Variants in PKNOX1 observed in about 807,000 individuals in gnomAD.
PKNOX1 encodes the protein homeobox protein PKNOX1.
A neutral mutation model predicts 51.9 loss-of-function variants in PKNOX1; 15 were observed. That is an observed-to-expected ratio of 0.29 (90% CI 0.19 to 0.45). PKNOX1 has a LOEUF of 0.45. PKNOX1 is among the 20% of genes least tolerant of loss of function. The probability of loss-of-function intolerance (pLI) is 1.00; values close to 1 mark genes in which losing one functional copy is unlikely to be tolerated. For synonymous variants in PKNOX1, 219 were observed against 211.1 expected (o/e 1.04, Z -0.32); for missense variants, 462 against 547.5 (o/e 0.84, Z 1.56).
intron 1 of PKNOX1, among the ~76,000 whole-genome samples, chr21:43,003,203 C>T (rs1041777009): frequency 6.6e-6 from 1 of 152,224 alleles, no homozygotes; most frequent in Non-Finnish European, 1.5e-5. Context: ...CTTCTCAGGG[C>T]AGCCCAGACT....
intron 1 of PKNOX1, among the ~76,000 whole-genome samples, chr21:43,000,372 T>C (rs1204177799): frequency 6.6e-6 from 1 of 152,180 alleles, no homozygotes; most frequent in African/African-American, 2.4e-5. Context: ...TGGGGAAGCC[T>C]CACAATCATG....
chr21:43,005,244 C>G (rs985053376), intron 2 of PKNOX1, among the ~76,000 whole-genome samples: 1 of 152,178 alleles, frequency 6.6e-6, no homozygotes, highest in African/African-American at 2.4e-5. Context: ...CTCTCCTCCC[C>G]ACCTCGAGGA....
chr21:42,982,521 GGAATTC>G (rs772396534), intron 1 of PKNOX1, among the ~76,000 whole-genome samples: 7 of 152,098 alleles, frequency 4.6e-5, no homozygotes, highest in Non-Finnish European at 1.0e-4. Context: ...CCTGAGGTCG[GGAATTC>G]GAGTCCAGCC....
chr21:42,987,404 A>AATATATATATATAT (rs1170402960), intron 1 of PKNOX1, among the ~76,000 whole-genome samples: 50 of 41,392 alleles, frequency 1.2e-3, no homozygotes, highest in South Asian at 1.5e-3. Flanking sequence ...AAAAAAAAAA[A>AATATATATATATAT]ATATATATAT....
intron 1 of PKNOX1, among the ~76,000 whole-genome samples, chr21:42,977,145 T>A (rs564670275): frequency 1.2e-4 from 18 of 152,308 alleles, no homozygotes; most frequent in African/African-American, 4.3e-4. Flanking sequence ...CAGTAATGTG[T>A]TATTCCATTT....
intron 1 of PKNOX1, among the ~76,000 whole-genome samples, chr21:42,981,440 GTGT>G (rs1246250973): frequency 6.6e-6 from 1 of 152,278 alleles, no homozygotes; most frequent in Non-Finnish European, 1.5e-5. Context: ...TTCAGTCAAC[GTGT>G]TGTCTGGCAT....
intron 1 of PKNOX1, among the ~76,000 whole-genome samples, chr21:42,975,067 C>T (rs1242687235): frequency 8.6e-6 from 1 of 116,080 alleles, no homozygotes; most frequent in Non-Finnish European, 1.9e-5. Context: ...GCGCGCGGAG[C>T]CCGGCGCGGG....
chr21:42,989,555 A>T (rs990147260), intron 1 of PKNOX1, among the ~76,000 whole-genome samples: 2 of 152,012 alleles, frequency 1.3e-5, no homozygotes, highest in Non-Finnish European at 2.9e-5. Context: ...AGTAGCTGGG[A>T]TTACAGGCGC....
At chr21:42,984,223 G>T (rs1374523460) in intron 1 of PKNOX1, among the ~76,000 whole-genome samples, 1 of 150,170 alleles carries the variant, frequency 6.7e-6, no homozygotes, top group African/African-American at 2.5e-5. Flanking sequence ...TTAAAGACAT[G>T]GGCCCCTGTG....
At chr21:43,000,268 T>G (rs1392512807) in intron 1 of PKNOX1, among the ~76,000 whole-genome samples, 1 of 152,150 alleles carries the variant, frequency 6.6e-6, no homozygotes, top group Non-Finnish European at 1.5e-5. Context: ...CAATTTACAG[T>G]GTTAGTCCAT....
intron 8 of PKNOX1, among the ~76,000 whole-genome samples, chr21:43,022,865 G>C (rs1979823485): frequency 6.6e-6 from 1 of 152,138 alleles, no homozygotes; most frequent in Admixed American, 6.6e-5. Flanking sequence ...AAGTCAAAAG[G>C]CAGCATGTTG....
chr21:43,003,352 C>T (rs1161190238), intron 1 of PKNOX1, among the ~76,000 whole-genome samples: 1 of 152,230 alleles, frequency 6.6e-6, no homozygotes, highest in Non-Finnish European at 1.5e-5. Flanking sequence ...TCCTTCAGTG[C>T]GGAAGTGGCA....
At chr21:42,988,894 C>G (rs564546552) in intron 1 of PKNOX1, among the ~76,000 whole-genome samples, 26 of 144,302 alleles carry the variant, frequency 1.8e-4, no homozygotes, top group African/African-American at 6.5e-4. Flanking sequence ...GCTGGGGACC[C>G]TGCGGGCTGG....
At chr21:42,987,404 AATATAT>A (rs1170402960) in intron 1 of PKNOX1, among the ~76,000 whole-genome samples, 6 of 41,416 alleles carry the variant, frequency 1.4e-4, no homozygotes, top group African/African-American at 3.7e-4. Flanking sequence ...AAAAAAAAAA[AATATAT>A]ATATATATAT....
At chr21:43,018,070 A>T in intron 6 of PKNOX1, 63 bp from the exon 7 acceptor site, 2 of 808,670 alleles carry the variant, frequency 2.5e-6, no homozygotes, top group South Asian at 1.6e-5. Context: ...AAAAAAAAAA[A>T]GAAGAATGGT....
At chr21:42,974,992 G>C (rs1360721434) in intron 1 of PKNOX1, among the ~76,000 whole-genome samples, 2 of 146,896 alleles carry the variant, frequency 1.4e-5, no homozygotes, top group African/African-American at 4.9e-5. Context: ...CGCTGGGCCT[G>C]ATCGAAGCGC....
chr21:42,979,794 T>C (rs2059017622), intron 1 of PKNOX1, among the ~76,000 whole-genome samples: 1 of 152,160 alleles, frequency 6.6e-6, no homozygotes, highest in African/African-American at 2.4e-5. Flanking sequence ...GAATCTAAAA[T>C]GCAGCAGTGT....
At chr21:43,029,205 AG>A (rs1980117631) in intron 10 of PKNOX1, among the ~76,000 whole-genome samples, 1 of 152,038 alleles carries the variant, frequency 6.6e-6, no homozygotes, top group Non-Finnish European at 1.5e-5. Flanking sequence ...CCGGGTGTGG[AG>A]GAGGGACTTA....
At position 43,021,171 on chromosome 21, in the gene PKNOX1, T is replaced by G. The variant is rs1302165318; in HGVS notation, c.721-132T>G. ...TCCTGAAACATCAGTCCACACAGGG[T>G]TCCCGTGCATGGGCCTCGACTACAA... On this transcript the variant is annotated intron_variant, in intron 7 of 10. Transcript: ENST00000291547. This position sits in a 1 kb window ranked among gnomAD's most constrained non-coding sequence, Gnocchi z 4.6. The G allele has an allele frequency of 1.5e-6, 1 of 649,340 alleles. No homozygotes were observed. Among genetic ancestry groups the G allele is most frequent in the Non-Finnish European group, 2.6e-6 (1 of 386,684 alleles). 40.2% of individuals were successfully genotyped at this position (649,340 alleles called of 1,614,324 possible).
Sources: gnomAD v4.1 joint callset for allele counts (sites outside exome capture counted in the v4.1 genomes callset) on GRCh38, gnomAD v4.1.1 for gene constraint, Gnocchi (gnomAD v3.1) non-coding constraint, MANE v1.5 for transcripts, NCBI Gene and HGNC (gene_info 2026-07-23, HGNC 2026-07-21) for gene names.